ADGRV1: variants seen among roughly 807,000 people sequenced by gnomAD.
ADGRV1 encodes G-protein coupled receptor 98.
In ADGRV1, 359 loss-of-function variants were observed where a neutral mutation model predicts 596.2. The observed-to-expected ratio is 0.60, with a 90% CI of 0.55 to 0.66. The LOEUF is 0.66. Among genes scored for constraint, ADGRV1 ranks in the 30% least tolerant of loss-of-function variants. The pLI is 0.00. For missense variants in ADGRV1, 7,274 were observed against 7,575.6 expected, an observed-to-expected ratio of 0.96 and a Z score of 1.48; for synonymous variants, 2,681 against 2,679.2, an observed-to-expected ratio of 1.00 and a Z score of -0.02.
At position 90,791,328 on chromosome 5, in the gene ADGRV1, G is replaced by A. The variant is rs1184786088; in HGVS notation, c.14499G>A (p.Val4833=). 2 of 1,566,136 alleles carry A rather than the reference G, an allele frequency of 1.3e-6. No individual in the cohort carries two copies. The highest frequency in any genetic ancestry group is 2.3e-5 in the South Asian group (2 of 85,264). Residue 4833 remains valine (V), a synonymous_variant, in exon 70 of 90, where the codon GTG becomes GTA. Coordinates refer to ENST00000405460, the MANE Select transcript of ADGRV1 (RefSeq NM_032119.4). ...VKDGATYKVD[V]VPIKNQVFLS... Reference sequence around the variant, plus strand: ...ATGGTGCCACATATAAAGTGGACGTGGTGCCAATAAAGAATCAGGTTTGTG... The same window carrying A: ...ATGGTGCCACATATAAAGTGGACGTAGTGCCAATAAAGAATCAGGTTTGTG...
intron 85 of ADGRV1, among the ~76,000 whole-genome samples, chr5:91,004,546 T>C (rs774541909): frequency 1.3e-5 from 2 of 152,190 alleles, no homozygotes; most frequent in Non-Finnish European, 2.9e-5. Flanking sequence ...CAACTTCCTT[T>C]GCAAGGTGTA....
intron 83 of ADGRV1, among the ~76,000 whole-genome samples, chr5:90,956,134 A>G (rs1021829297): frequency 2.0e-5 from 3 of 152,202 alleles, no homozygotes; most frequent in African/African-American, 7.2e-5. Flanking sequence ...ATTCCATAAG[A>G]AAGTTGAATC....
At chr5:90,923,288 T>C (rs1471359482) in intron 83 of ADGRV1, among the ~76,000 whole-genome samples, 1 of 152,116 alleles carries the variant, frequency 6.6e-6, no homozygotes, top group Non-Finnish European at 1.5e-5. Context: ...GCCTAATGTA[T>C]ATAAAGGATA....
chr5:91,139,193 G>A (rs778901032), intron 87 of ADGRV1, among the ~76,000 whole-genome samples: 21 of 152,208 alleles, frequency 1.4e-4, no homozygotes, highest in Admixed American at 6.5e-5. Context: ...CATTGTCTTA[G>A]AATGGAGTCA....
intron 84 of ADGRV1, among the ~76,000 whole-genome samples, chr5:90,976,320 G>GTATATA (rs1250040638): frequency 4.7e-4 from 52 of 110,392 alleles, no homozygotes; most frequent in African/African-American, 1.3e-3. Context: ...GTGTGTGTGT[G>GTATATA]TGTATATATA....
In ADGRV1 at chr5:90,694,652, T is replaced by G; in HGVS notation, c.7896T>G (p.Thr2632=). The G allele has an allele frequency of 1.2e-6, 2 of 1,611,932 alleles. No individual in the cohort carries two copies. Among genetic ancestry groups the G allele is most frequent in the South Asian group, 2.2e-5 (2 of 90,770 alleles). Residue 2632 remains threonine, a synonymous_variant, in exon 33 of 90, where the codon ACT becomes ACG. Coordinates refer to ENST00000405460, the MANE Select transcript of ADGRV1 (RefSeq NM_032119.4). ...GGCGTGTTGTTGGTGGAACAGCTAC[T>G]GAAGGTTTAGATTTTATAGGTGCTG... ...VEWRVVGGTA[T]EGLDFIGAGE...
At chr5:90,820,639 T>A (rs1763394161) in intron 75 of ADGRV1, among the ~76,000 whole-genome samples, 1 of 150,698 alleles carries the variant, frequency 6.6e-6, no homozygotes, top group African/African-American at 2.4e-5. Flanking sequence ...AGCATTTGCT[T>A]GTCTGTAAAG....
intron 87 of ADGRV1, among the ~76,000 whole-genome samples, chr5:91,141,060 T>C (rs918399250): frequency 6.6e-6 from 1 of 152,224 alleles, no homozygotes; most frequent in East Asian, 1.9e-4. Context: ...CAGAGAAATA[T>C]GTTCTTAAAT....
At chr5:91,026,894 C>T (rs1333686476) in intron 85 of ADGRV1, among the ~76,000 whole-genome samples, 1 of 151,986 alleles carries the variant, frequency 6.6e-6, no homozygotes, top group East Asian at 1.9e-4. Flanking sequence ...GTAATCCCAG[C>T]ACTTTGGGAA....
chr5:90,818,729 G>A (rs879383127), intron 75 of ADGRV1, among the ~76,000 whole-genome samples: 6,950 of 149,334 alleles, frequency 0.047, 180 homozygotes, highest in South Asian at 0.087. Flanking sequence ...ATTGATTTGC[G>A]TATATTGAAC....
chr5:90,923,408 A>G (rs1383105832), intron 83 of ADGRV1, among the ~76,000 whole-genome samples: 1 of 151,934 alleles, frequency 6.6e-6, no homozygotes, highest in Non-Finnish European at 1.5e-5. Context: ...TGTTTTTTAA[A>G]AAGTATGTAA....
intron 42 of ADGRV1, among the ~76,000 whole-genome samples, chr5:90,715,138 C>T (rs1749918089): frequency 6.6e-6 from 1 of 152,146 alleles, no homozygotes; most frequent in South Asian, 2.1e-4. Context: ...TCTCTCAAAA[C>T]CAAACTGTAA....
rs1326714102 is a variant in ADGRV1, at chr5:90,657,929, C to G, written c.4403C>G (p.Ala1468Gly). The G allele has an allele frequency of 3.7e-6, 6 of 1,610,348 alleles. No homozygotes were observed. Among genetic ancestry groups the G allele is most frequent in the Non-Finnish European group, 5.1e-6 (6 of 1,177,388 alleles). ...GGTCCTGGGATACTGAGAATTGGAG[C>G]AGGGATAAATGGCAATGACAGATTT... ...TDGPGILRIG[A>G]GINGNDRFTG... The change falls in exon 21 of 90, where the codon GCA (alanine) becomes GGA (glycine). Residue 1468 changes from alanine (A) to glycine (G), a missense_variant. Physicochemically the swap from Ala to Gly is moderately conservative, Grantham distance 60 (BLOSUM62 0). This residue lies in a region of ADGRV1 where 38 missense variants were observed against 66.7 expected (regional missense o/e 0.57). Transcript: ENST00000405460.
At chr5:91,092,226 A>C (rs1360648974) in intron 86 of ADGRV1, among the ~76,000 whole-genome samples, 1 of 152,090 alleles carries the variant, frequency 6.6e-6, no homozygotes, top group East Asian at 1.9e-4. Flanking sequence ...CAGCCTCCCG[A>C]ATAGCTGGGA....
At chr5:90,670,570 A>G (rs1013887786) in intron 21 of ADGRV1, among the ~76,000 whole-genome samples, 3 of 152,128 alleles carry the variant, frequency 2.0e-5, no homozygotes, top group Non-Finnish European at 4.4e-5. Context: ...GTGAAATCAG[A>G]GTGAGGCTCT....
intron 29 of ADGRV1, among the ~76,000 whole-genome samples, chr5:90,687,090 C>A (rs1261661077): frequency 6.6e-6 from 1 of 152,024 alleles, no homozygotes. Context: ...TGTTTGAGTT[C>A]ATTGTAGATT....
rs1749263471 is a variant in ADGRV1, at chr5:90,710,981, A to T, written c.8825A>T (p.Asp2942Val). Residue 2942 changes from aspartate to valine, a missense_variant and splice_region_variant, in exon 40 of 90, where the codon GAT (aspartate) becomes GTT (valine). Transcript: ENST00000405460. ...AASTSFPPRLDSEGLTAQVII... is the reference protein window; with the variant it reads ...AASTSFPPRLVSEGLTAQVII... ...AAGATATGCTTCTATGTTTTTTAAGATTCAGAAGGTTTGACTGCACAAGTT... is the reference window on the plus strand; with the variant it reads ...AAGATATGCTTCTATGTTTTTTAAGTTTCAGAAGGTTTGACTGCACAAGTT... 1 of 1,589,856 alleles carries T rather than the reference A, an allele frequency of 6.3e-7. No homozygotes were observed.
rs12658325 is a variant in ADGRV1, at chr5:90,767,637, G to A, written c.12285+4168G>A. 4.5e-3 allele frequency among the ~76,000 whole-genome samples: 665 copies of A among 149,362 alleles called. 31 individuals are homozygous for A. The East Asian group carries it at 0.091, about 20-fold the overall frequency. On this transcript the variant is annotated intron_variant, in intron 59 of 89. Transcript: ENST00000405460. ...AAGCTCAGTAGGTGGTTTTCCAAAGGAATTCCACCAAATATGTTTACATGG... is the reference window on the plus strand; with the variant it reads ...AAGCTCAGTAGGTGGTTTTCCAAAGAAATTCCACCAAATATGTTTACATGG...
At chr5:90,851,972 G>A (rs2150402049) in intron 79 of ADGRV1, among the ~76,000 whole-genome samples, 1 of 152,238 alleles carries the variant, frequency 6.6e-6, no homozygotes, top group South Asian at 2.1e-4. Context: ...ATTGTATCTG[G>A]TCAGGGTGTC....
Sources: gnomAD v4.1 joint callset for allele counts (sites outside exome capture counted in the v4.1 genomes callset) on GRCh38, gnomAD v4.1.1 for gene constraint, gnomAD v4.1.1 regional missense constraint, MANE v1.5 for transcripts, NCBI Gene and HGNC (gene_info 2026-07-23, HGNC 2026-07-21) for gene names.